The following HTR1E variants were observed in gnomAD, a reference collection of about 807,000 sequenced individuals.
The protein encoded by HTR1E is 5-hydroxytryptamine receptor 1E.
Under a neutral mutation model 3.4 loss-of-function variants are expected in HTR1E, and 3 were observed. That is an observed-to-expected ratio of 0.89 (90% CI 0.41 to 2.31). The LOEUF (loss-of-function observed/expected upper bound fraction) is 2.31. HTR1E is among the 30% of genes most tolerant of loss of function. The probability of loss-of-function intolerance (pLI) is 0.05; values close to 1 mark genes in which losing one functional copy is unlikely to be tolerated. For synonymous variants in HTR1E, 170 were observed against 182.8 expected, an observed-to-expected ratio of 0.93 and a Z score of 0.56; for missense variants, 392 against 467.0, an observed-to-expected ratio of 0.84 and a Z score of 1.48.
chr6:87,010,797 G>A (rs962788509), intron 1 of HTR1E, among the ~76,000 whole-genome samples: 2 of 151,670 alleles, frequency 1.3e-5, no homozygotes, highest in East Asian at 1.9e-4. Context: ...CAAGGCAGGC[G>A]GCTGCTCCTT....
intron 1 of HTR1E, among the ~76,000 whole-genome samples, chr6:87,014,004 G>A (rs1040896058): frequency 4.6e-5 from 7 of 151,948 alleles, no homozygotes; most frequent in Non-Finnish European, 7.4e-5. Flanking sequence ...GCAAACTATC[G>A]CAAGGACAGA....
rs1204631029 is a variant in HTR1E at position 86,987,238 on chromosome 6, C to T, written c.-185-27912C>T. Among the ~76,000 whole-genome samples, 3 of 152,100 alleles carry T rather than the reference C, an allele frequency of 2.0e-5. No homozygotes were observed. In the East Asian group the frequency reaches 5.8e-4, roughly 29 times the overall value. On this transcript the variant is annotated intron_variant, in intron 1 of 1. Coordinates refer to ENST00000305344, the MANE Select transcript of HTR1E (RefSeq NM_000865.3). ...CACTGAAACATGAGATGAGATAAGG[C>T]TTAGTTGTCATTCCCAGTCTTGCAT...
intron 1 of HTR1E, among the ~76,000 whole-genome samples, chr6:87,002,532 T>C (rs1180750221): frequency 6.6e-6 from 1 of 152,228 alleles, no homozygotes; most frequent in Non-Finnish European, 1.5e-5. Context: ...TTTTACAGGG[T>C]GCTGATTGGT....
At chr6:87,009,137 T>C (rs1768162364) in intron 1 of HTR1E, among the ~76,000 whole-genome samples, 1 of 150,654 alleles carries the variant, frequency 6.6e-6, no homozygotes, top group Non-Finnish European at 1.5e-5. Context: ...CATGGGACAA[T>C]AGTGGAGGGA....
At chr6:86,967,182 A>C (rs1249370958) in intron 1 of HTR1E, among the ~76,000 whole-genome samples, 1 of 152,212 alleles carries the variant, frequency 6.6e-6, no homozygotes, top group Non-Finnish European at 1.5e-5. Context: ...GGCATATCAC[A>C]AAACATAAAA....
At chr6:86,942,274 T>C (rs1455195662) in intron 1 of HTR1E, among the ~76,000 whole-genome samples, 2 of 152,208 alleles carry the variant, frequency 1.3e-5, no homozygotes, top group African/African-American at 4.8e-5. Context: ...CCTTATATGA[T>C]TTCTGACAGT....
At chr6:86,984,020 A>T (rs1411137685) in intron 1 of HTR1E, among the ~76,000 whole-genome samples, 2 of 152,144 alleles carry the variant, frequency 1.3e-5, no homozygotes, top group South Asian at 2.1e-4. Context: ...AATTTATGTT[A>T]ACCTATATTT....
intron 1 of HTR1E, among the ~76,000 whole-genome samples, chr6:86,973,079 C>A (rs1767582534): frequency 6.6e-6 from 1 of 152,168 alleles, no homozygotes; most frequent in Non-Finnish European, 1.5e-5. Context: ...TAGAAATTCT[C>A]TAGCAAGGTT....
intron 1 of HTR1E, among the ~76,000 whole-genome samples, chr6:86,958,995 G>A (rs1410732341): frequency 6.6e-6 from 1 of 151,614 alleles, no homozygotes; most frequent in Non-Finnish European, 1.5e-5. Flanking sequence ...CAGAAAGAGA[G>A]AGATTGATGT....
At position 86,937,533 on chromosome 6, in the gene HTR1E, A is replaced by T. The variant is rs555414745; in HGVS notation, c.-476A>T. ...TCCCTCTCGCCTCCTCTTCCAGTCC[A>T]GGCGCCCAGACTCGGCGAAGCGCAG... On this transcript the variant is annotated 5_prime_UTR_variant, in exon 1 of 2. Coordinates refer to ENST00000305344, the MANE Select transcript of HTR1E (RefSeq NM_000865.3). 6.5e-6 allele frequency: 1 copy of T among 152,914 alleles called. No homozygotes were observed. The highest frequency in any genetic ancestry group is 6.5e-5 in the Admixed American group (1 of 15,274). 9.5% of individuals were successfully genotyped at this position (152,914 alleles called of 1,614,324 possible). A position where few individuals can be genotyped will look rare whatever the true frequency, so the allele number is the denominator to read the frequency against.
At chr6:87,004,604 A>C (rs1768075701) in intron 1 of HTR1E, among the ~76,000 whole-genome samples, 1 of 152,194 alleles carries the variant, frequency 6.6e-6, no homozygotes, top group African/African-American at 2.4e-5. Flanking sequence ...TCAACACAAT[A>C]AAAGCCACAT....
chr6:86,995,632 C>T (rs189569948), intron 1 of HTR1E, among the ~76,000 whole-genome samples: 2 of 119,950 alleles, frequency 1.7e-5, no homozygotes, highest in Admixed American at 1.1e-4. Context: ...CACCACTGCA[C>T]TCCAGCCTGG....
chr6:86,963,845 C>T lies in HTR1E; in HGVS notation c.-186+26022C>T, dbSNP rs373885911. 7.2e-5 allele frequency among the ~76,000 whole-genome samples: 11 copies of T among 152,250 alleles called. No individual in the cohort carries two copies. In the South Asian group the frequency reaches 1.2e-3, roughly 17 times the overall value. ...TTCACACAGGGACAAAATTGCCTAA[C>T]GACACATTTCTTAGAATATGTCCCT... On this transcript the variant is annotated intron_variant, in intron 1 of 1. Coordinates refer to ENST00000305344, the MANE Select transcript of HTR1E (RefSeq NM_000865.3).
intron 1 of HTR1E, among the ~76,000 whole-genome samples, chr6:86,946,935 G>A (rs1316143366): frequency 1.3e-5 from 2 of 152,248 alleles, no homozygotes; most frequent in African/African-American, 4.8e-5. Context: ...TGACCAACAT[G>A]AAGAAACCCT....
At chr6:86,953,496 G>C (rs1767275582) in intron 1 of HTR1E, among the ~76,000 whole-genome samples, 1 of 152,092 alleles carries the variant, frequency 6.6e-6, no homozygotes, top group Admixed American at 6.5e-5. Context: ...TAGTGCAAAG[G>C]AATCAGTGGT....
intron 1 of HTR1E, among the ~76,000 whole-genome samples, chr6:86,990,745 G>A (rs1273615002): frequency 6.6e-6 from 1 of 152,064 alleles, no homozygotes; most frequent in Non-Finnish European, 1.5e-5. Flanking sequence ...ATAAATAAAT[G>A]ACTGAACAAA....
chr6:87,016,059 T>C lies in HTR1E; in HGVS notation c.725T>C (p.Phe242Ser), dbSNP rs1768319732. 1 of 1,614,194 alleles carries C rather than the reference T, an allele frequency of 6.2e-7. No homozygotes were observed. The highest frequency in any genetic ancestry group is 8.5e-7 in the Non-Finnish European group (1 of 1,180,034). The change falls in exon 2 of 2, where the codon TTC becomes TCC. Residue 242 changes from phenylalanine (F) to serine (S), a missense_variant. Transcript: ENST00000305344. ...GCAAGTTGTAAACTTACACAGACTT[T>C]CTGTGTGTCTGACTTCTCCACCTCA... ...SFASCKLTQT[F>S]CVSDFSTSDP...
At chr6:86,993,661 C>T (rs2127828337) in intron 1 of HTR1E, among the ~76,000 whole-genome samples, 1 of 152,054 alleles carries the variant, frequency 6.6e-6, no homozygotes, top group South Asian at 2.1e-4. Context: ...TCATCCAGCA[C>T]TCCTCTTCTC....
intron 1 of HTR1E, among the ~76,000 whole-genome samples, chr6:86,955,800 T>C (rs1364989277): frequency 2.0e-5 from 3 of 152,148 alleles, no homozygotes; most frequent in African/African-American, 2.4e-5. Flanking sequence ...TTTTAACATA[T>C]GGTTTTCAAA....
Sources: allele counts gnomAD v4.1 joint callset (sites outside exome capture counted in the v4.1 genomes callset), GRCh38; gene constraint gnomAD v4.1.1; transcripts MANE v1.5; gene names NCBI Gene and HGNC (gene_info 2026-07-23, HGNC 2026-07-21).